ATAD2B: variants seen among roughly 807,000 people sequenced by gnomAD.
ATAD2B encodes ATPase family AAA domain containing 2B, also known as ATPase family AAA domain-containing protein 2B.
A neutral mutation model predicts 167.6 loss-of-function variants in ATAD2B; 40 were observed. The observed-to-expected ratio is 0.24, with a 90% CI of 0.19 to 0.31. ATAD2B has a LOEUF of 0.31. ATAD2B is among the 10% of genes least tolerant of loss of function. The pLI is 1.00. For missense variants in ATAD2B, 1,242 were observed against 1,757.2 expected, an observed-to-expected ratio of 0.71 and a Z score of 5.24; for synonymous variants, 579 against 596.5, an observed-to-expected ratio of 0.97 and a Z score of 0.43.
chr2:23,732,018 T>C, the ATAD2B span, among the ~76,000 whole-genome samples: 3 of 152,114 alleles, frequency 2.0e-5, no homozygotes, highest in Admixed American at 2.0e-4. Context: ...ATATTTCATA[T>C]TATTTTTTGT....
At chr2:23,719,621 C>A in the ATAD2B span, among the ~76,000 whole-genome samples, 1 of 152,124 alleles carries the variant, frequency 6.6e-6, no homozygotes, top group South Asian at 2.1e-4. Flanking sequence ...ATCCATGACA[C>A]CCTTTCCCCC....
At chr2:23,702,680 G>T in the ATAD2B span, among the ~76,000 whole-genome samples, 1 of 152,096 alleles carries the variant, frequency 6.6e-6, no homozygotes, top group South Asian at 2.1e-4. Flanking sequence ...GTGCACCTTG[G>T]GTTTCTCACC....
In ATAD2B at chr2:23,877,117, G is replaced by C. The variant is rs570769179; in HGVS notation, c.902-1213C>G. ...AGAAATTTAGCACAATCCATTCAAA[G>C]AACAATCCATTAAAATTTTTTTTTA... On this transcript the variant is annotated intron_variant, in intron 7 of 27. Transcript: ENST00000238789. 1.8e-4 allele frequency among the ~76,000 whole-genome samples: 26 copies of C among 147,712 alleles called. No individual in the cohort carries two copies. In the East Asian group the frequency reaches 5.0e-3, roughly 28 times the overall value.
chr2:23,727,904 G>A, the ATAD2B span, among the ~76,000 whole-genome samples: 24 of 152,304 alleles, frequency 1.6e-4, no homozygotes, highest in South Asian at 5.0e-3. Flanking sequence ...GTCAGAAGCA[G>A]GAAGGGAGGA....
chr2:23,819,506 A>G (rs538973689), intron 17 of ATAD2B, among the ~76,000 whole-genome samples: 146 of 151,880 alleles, frequency 9.6e-4, no homozygotes, highest in Non-Finnish European at 1.9e-3. Context: ...AAAAAAAAAA[A>G]AAGTAAAGTA....
chr2:23,839,694 A>G (rs377309602), intron 13 of ATAD2B, among the ~76,000 whole-genome samples: 8 of 152,252 alleles, frequency 5.3e-5, no homozygotes, highest in African/African-American at 1.2e-4. Context: ...CTAGTTTCCA[A>G]TGAATTTTCT....
intron 10 of ATAD2B, among the ~76,000 whole-genome samples, chr2:23,866,758 A>G (rs566801999): frequency 6.6e-6 from 1 of 152,324 alleles, no homozygotes; most frequent in South Asian, 2.1e-4. Context: ...CTTCAAGTAT[A>G]TATGCAATTC....
At chr2:23,894,358 G>A (rs897720671) in intron 2 of ATAD2B, among the ~76,000 whole-genome samples, 3 of 151,944 alleles carry the variant, frequency 2.0e-5, no homozygotes, top group African/African-American at 7.3e-5. Flanking sequence ...GCGCATGCCT[G>A]TAATCCCAAA....
At chr2:23,861,663 T>C (rs1558678165) in intron 12 of ATAD2B, among the ~76,000 whole-genome samples, 2 of 152,220 alleles carry the variant, frequency 1.3e-5, no homozygotes, top group South Asian at 2.1e-4. Context: ...AAGTATGAAA[T>C]GGCTACAAAA....
Position 23,757,434 on chromosome 2 carries a change from T to C in ATAD2B, c.4062A>G (p.Ala1354=). The change falls in exon 25 of 28, where the codon GCA becomes GCG. Residue 1354 remains alanine (A), a synonymous_variant. Coordinates refer to ENST00000238789, the MANE Select transcript of ATAD2B (RefSeq NM_017552.4). ...EPGSDVEVKD[A]ELDKEGASKV... ...TAGCTCTACCTTCTTTATCCAGTTC[T>C]GCATCTTTAACCTCCACATCAGAGC... is the stretch of plus-strand genomic sequence containing the variant. 1 of 1,503,688 alleles carries C rather than the reference T, an allele frequency of 6.7e-7. No individual in the cohort carries two copies. The highest frequency in any genetic ancestry group is 2.4e-5 in the Admixed American group (1 of 41,602). 93.1% of individuals were successfully genotyped at this position (1,503,688 alleles called of 1,614,324 possible). A position where few individuals can be genotyped will look rare whatever the true frequency, so the allele number is the denominator to read the frequency against.
the ATAD2B span, among the ~76,000 whole-genome samples, chr2:23,736,718 C>T: frequency 1.1e-4 from 16 of 152,148 alleles, no homozygotes; most frequent in Middle Eastern, 3.4e-3. Flanking sequence ...TGCAGCCTAC[C>T]GTGCGCGAGC....
intron 13 of ATAD2B, among the ~76,000 whole-genome samples, chr2:23,838,221 T>C (rs1223807479): frequency 6.6e-6 from 1 of 152,206 alleles, no homozygotes; most frequent in Non-Finnish European, 1.5e-5. Flanking sequence ...GGTTTCTCAT[T>C]CAAGATATAA....
chr2:23,904,890 CA>C (rs1701294189), intron 1 of ATAD2B, among the ~76,000 whole-genome samples: 1 of 152,088 alleles, frequency 6.6e-6, no homozygotes, highest in South Asian at 2.1e-4. Flanking sequence ...CTGCAAAAAA[CA>C]AAACTCTGCA....
At chr2:23,819,486 G>A in intron 17 of ATAD2B, among the ~76,000 whole-genome samples, 1 of 127,356 alleles carries the variant, frequency 7.9e-6, no homozygotes, top group Admixed American at 8.1e-5. Context: ...GTGAGACTCT[G>A]CCTCCCAAAA....
chr2:23,687,960 C>G, the ATAD2B span, among the ~76,000 whole-genome samples: 2 of 152,096 alleles, frequency 1.3e-5, no homozygotes, highest in African/African-American at 4.8e-5. Context: ...AGCCTGCGGC[C>G]GAGTCCCTTT....
At chr2:23,744,587 T>C (rs151031121), downstream of ATAD2B, among the ~76,000 whole-genome samples, 531 of 152,236 alleles carry the variant, frequency 3.5e-3, 4 homozygotes, top group African/African-American at 0.012. Context: ...GTAACCACCA[T>C]GGGGTTGGTG....
At chr2:23,822,917 CAA>C (rs33911389) in intron 16 of ATAD2B, among the ~76,000 whole-genome samples, 89 of 66,310 alleles carry the variant, frequency 1.3e-3, no homozygotes, top group African/African-American at 5.0e-3. Context: ...AACTCCATCT[CAA>C]AAAAAAAAAA....
the ATAD2B span, among the ~76,000 whole-genome samples, chr2:23,742,146 C>G: frequency 6.6e-6 from 1 of 152,116 alleles, no homozygotes; most frequent in African/African-American, 2.4e-5. Flanking sequence ...GTCAGTGTGG[C>G]GATTCCTCAG....
chr2:23,853,853 T>G (rs1166022264), intron 13 of ATAD2B, among the ~76,000 whole-genome samples: 1 of 152,178 alleles, frequency 6.6e-6, no homozygotes, highest in African/African-American at 2.4e-5. Flanking sequence ...AATCTAGAAA[T>G]AGACACACAT....
Sources: gnomAD v4.1 joint callset for allele counts (sites outside exome capture counted in the v4.1 genomes callset) on GRCh38, gnomAD v4.1.1 for gene constraint, MANE v1.5 for transcripts, NCBI Gene and HGNC (gene_info 2026-07-23, HGNC 2026-07-21) for gene names.